Variants in CCSER1 observed in about 807,000 individuals in gnomAD.
The protein encoded by CCSER1 is serine-rich coiled-coil domain-containing protein 1.
A neutral mutation model predicts 82.0 loss-of-function variants in CCSER1; 41 were observed. The observed-to-expected ratio is 0.50, with a 90% confidence interval of 0.39 to 0.65. The LOEUF (loss-of-function observed/expected upper bound fraction) is 0.65. Ranked by LOEUF, CCSER1 falls within the 30% of genes least tolerant of loss-of-function variation. CCSER1 has a pLI of 0.00. For missense variants in CCSER1, 1,119 were observed against 1,064.2 expected (o/e 1.05, Z -0.72); for synonymous variants, 414 against 383.9 (o/e 1.08, Z -0.92).
At chr4:91,292,538 T>A (rs1332472463) in intron 10 of CCSER1, among the ~76,000 whole-genome samples, 1 of 151,976 alleles carries the variant, frequency 6.6e-6, no homozygotes, top group Non-Finnish European at 1.5e-5. Context: ...AATCTTTATA[T>A]CAAATAATTA....
chr4:91,247,681 A>G (rs1222811110), intron 10 of CCSER1, among the ~76,000 whole-genome samples: 1 of 152,134 alleles, frequency 6.6e-6, no homozygotes, highest in Non-Finnish European at 1.5e-5. Flanking sequence ...CAGCATGGCC[A>G]ACATGGCGAA....
At chr4:91,529,470 A>T (rs1479507151) in intron 10 of CCSER1, among the ~76,000 whole-genome samples, 3 of 152,194 alleles carry the variant, frequency 2.0e-5, no homozygotes, top group Non-Finnish European at 4.4e-5. Flanking sequence ...TTGCTTTCAC[A>T]TGTTTAAATG....
intron 8 of CCSER1, among the ~76,000 whole-genome samples, chr4:90,847,659 GTA>G (rs1261050365): frequency 4.6e-5 from 7 of 151,776 alleles, no homozygotes; most frequent in African/African-American, 1.5e-4. Context: ...GTCGACTTAG[GTA>G]TACTTTAAAA....
chr4:90,935,568 A>G (rs937077568), intron 9 of CCSER1, among the ~76,000 whole-genome samples: 2 of 152,196 alleles, frequency 1.3e-5, no homozygotes, highest in Non-Finnish European at 2.9e-5. Flanking sequence ...TTAATACTAC[A>G]AGTCTGTTTT....
intron 10 of CCSER1, among the ~76,000 whole-genome samples, chr4:91,168,072 G>A (rs1159776201): frequency 2.1e-5 from 3 of 145,732 alleles, no homozygotes; most frequent in Non-Finnish European, 4.5e-5. Context: ...GCCCTGTCTG[G>A]GAGGAAGTGA....
chr4:91,345,229 TA>T (rs1747974851), intron 10 of CCSER1, among the ~76,000 whole-genome samples: 2 of 152,216 alleles, frequency 1.3e-5, no homozygotes, highest in South Asian at 4.1e-4. Context: ...CTGTCTCTAC[TA>T]AAAATGCAAA....
chr4:90,462,507 A>G (rs1048506255), intron 4 of CCSER1, among the ~76,000 whole-genome samples: 4 of 152,226 alleles, frequency 2.6e-5, no homozygotes, highest in African/African-American at 9.6e-5. Context: ...ATATTTTCAC[A>G]GCAACACTTG....
At chr4:91,584,226 C>T (rs1763877370) in intron 10 of CCSER1, among the ~76,000 whole-genome samples, 1 of 151,352 alleles carries the variant, frequency 6.6e-6, no homozygotes, top group Non-Finnish European at 1.5e-5. Flanking sequence ...AATTCTCTAT[C>T]ACTCATCCCC....
intron 6 of CCSER1, among the ~76,000 whole-genome samples, chr4:90,686,286 C>A (rs1253589754): frequency 6.6e-6 from 1 of 152,012 alleles, no homozygotes; most frequent in Non-Finnish European, 1.5e-5. Context: ...AAAAGAATAG[C>A]CTGAAGTCAG....
rs1753906970 is a variant in CCSER1, at chr4:90,782,505, G to GGC, written c.2011-33256_2011-33255dup. ...CTTTTTTAGTGGGTGTTGAAACAAA[G>GGC]GCAGGGAAAGCAGTTATGAATATTT... is the stretch of plus-strand genomic sequence containing the variant. On this transcript the variant is annotated intron_variant, in intron 7 of 10. Transcript: ENST00000509176. 2.6e-5 allele frequency among the ~76,000 whole-genome samples: 4 copies of GGC among 152,134 alleles called. No homozygotes were observed. In the South Asian group the frequency reaches 8.3e-4, roughly 32 times the overall value.
chr4:91,534,940 A>T (rs988913649), intron 10 of CCSER1, among the ~76,000 whole-genome samples: 6 of 151,838 alleles, frequency 4.0e-5, no homozygotes, highest in Non-Finnish European at 8.8e-5. Flanking sequence ...CAATACTATT[A>T]TCTTAAATCA....
chr4:90,227,314 T>C (rs755582089), intron 1 of CCSER1, among the ~76,000 whole-genome samples: 6 of 152,236 alleles, frequency 3.9e-5, no homozygotes, highest in Non-Finnish European at 7.3e-5. Flanking sequence ...GAGATGCCTT[T>C]TGAAGTAGAG....
intron 5 of CCSER1, among the ~76,000 whole-genome samples, chr4:90,556,123 T>A (rs1248543908): frequency 1.3e-5 from 2 of 152,160 alleles, no homozygotes; most frequent in Non-Finnish European, 2.9e-5. Context: ...GCTACTCATC[T>A]GGAAAATCAG....
At chr4:91,549,539 G>A (rs185246399) in intron 10 of CCSER1, among the ~76,000 whole-genome samples, 9 of 151,984 alleles carry the variant, frequency 5.9e-5, no homozygotes, top group African/African-American at 1.2e-4. Flanking sequence ...CTATTATTAA[G>A]TCTTAGTCCT....
intron 8 of CCSER1, among the ~76,000 whole-genome samples, chr4:90,911,927 G>A (rs1330785683): frequency 2.0e-5 from 3 of 152,172 alleles, no homozygotes; most frequent in Non-Finnish European, 4.4e-5. Flanking sequence ...CAGCGAGGCT[G>A]GGGGAGGGGC....
intron 3 of CCSER1, among the ~76,000 whole-genome samples, chr4:90,386,486 A>G (rs1750076856): frequency 6.6e-6 from 1 of 152,156 alleles, no homozygotes; most frequent in Non-Finnish European, 1.5e-5. Flanking sequence ...CTCACTATAC[A>G]GAAATTAACT....
At chr4:91,037,002 G>A (rs1007273936) in intron 9 of CCSER1, among the ~76,000 whole-genome samples, 4 of 152,004 alleles carry the variant, frequency 2.6e-5, no homozygotes, top group Non-Finnish European at 5.9e-5. Context: ...ACTTGAACCC[G>A]GGAAGGGGAG....
intron 4 of CCSER1, among the ~76,000 whole-genome samples, chr4:90,408,162 C>T (rs1283500148): frequency 6.6e-6 from 1 of 152,196 alleles, no homozygotes; most frequent in Non-Finnish European, 1.5e-5. Context: ...AGAGTCCACC[C>T]AGCTCAAGGA....
chr4:91,230,487 T>G (rs1227446498), intron 10 of CCSER1, among the ~76,000 whole-genome samples: 1 of 151,984 alleles, frequency 6.6e-6, no homozygotes, highest in African/African-American at 2.4e-5. Context: ...TAGACCAGAA[T>G]AGGATAGTTG....
Sources: gnomAD v4.1 joint callset for allele counts (sites outside exome capture counted in the v4.1 genomes callset) on GRCh38, gnomAD v4.1.1 for gene constraint, MANE v1.5 for transcripts, NCBI Gene and HGNC (gene_info 2026-07-23, HGNC 2026-07-21) for gene names.